Variants in SNTG1 observed in about 807,000 individuals in gnomAD.
SNTG1 encodes gamma-1-syntrophin.
In SNTG1, 39 loss-of-function variants were observed where a neutral mutation model predicts 74.7. The observed-to-expected ratio is 0.52, with a 90% CI of 0.40 to 0.68. The LOEUF is 0.68. Ranked by LOEUF, SNTG1 falls within the 30% of genes least tolerant of loss-of-function variation. The pLI is 0.00. For missense variants in SNTG1, 685 were observed against 609.5 expected (o/e 1.12, Z -1.30); for synonymous variants, 254 against 217.1 (o/e 1.17, Z -1.49).
At chr8:50,699,387 T>C (rs557588723) in intron 15 of SNTG1, among the ~76,000 whole-genome samples, 16 of 152,262 alleles carry the variant, frequency 1.1e-4, no homozygotes, top group African/African-American at 3.8e-4. Flanking sequence ...CCCTTTGGTA[T>C]AGTGAGTTTG....
At chr8:49,948,154 G>GA (rs1356534201) in intron 1 of SNTG1, among the ~76,000 whole-genome samples, 1 of 151,842 alleles carries the variant, frequency 6.6e-6, no homozygotes, top group South Asian at 2.1e-4. Flanking sequence ...AAAAAAATAA[G>GA]AAAAAACACA....
chr8:50,629,923 T>C (rs1450949762), intron 13 of SNTG1, among the ~76,000 whole-genome samples: 1 of 152,216 alleles, frequency 6.6e-6, no homozygotes, highest in Non-Finnish European at 1.5e-5. Context: ...GCTGCTTCGA[T>C]ATTATAAATA....
intron 12 of SNTG1, among the ~76,000 whole-genome samples, chr8:50,555,902 C>T (rs1008721188): frequency 6.6e-6 from 1 of 151,790 alleles, no homozygotes; most frequent in Non-Finnish European, 1.5e-5. Flanking sequence ...AGGATAAAAG[C>T]AAAAACAAAA....
chr8:50,335,820 ATTT>A (rs2091122102), intron 2 of SNTG1, among the ~76,000 whole-genome samples: 1 of 117,884 alleles, frequency 8.5e-6, no homozygotes, highest in Non-Finnish European at 1.7e-5. Flanking sequence ...ATGTTTTATT[ATTT>A]TATTTTATTT....
chr8:49,958,590 T>C (rs1231144903), intron 1 of SNTG1, among the ~76,000 whole-genome samples: 3 of 152,036 alleles, frequency 2.0e-5, no homozygotes, highest in Non-Finnish European at 4.4e-5. Flanking sequence ...CTGGCTAATT[T>C]TGGTAATTTT....
rs148598561 is a variant in SNTG1 at position 50,639,716 on chromosome 8, T to G, written c.850-17193T>G. On this transcript the variant is annotated intron_variant, in intron 13 of 18. Coordinates refer to ENST00000642720, the MANE Select transcript of SNTG1 (RefSeq NM_018967.5). ...TATTTAAATAATATATCAAGTAAACTCTCAGCCTCAGTATTATAAACTGAA... is the reference window on the plus strand; with the variant it reads ...TATTTAAATAATATATCAAGTAAACGCTCAGCCTCAGTATTATAAACTGAA... Among the ~76,000 whole-genome samples the G allele has an allele frequency of 2.1e-3, 319 of 152,170 alleles. 4 individuals are homozygous for G. The highest frequency in any genetic ancestry group is 5.2e-3 in the African/African-American group (218 of 41,554).
At chr8:50,765,632 T>C (rs1258063034) in intron 18 of SNTG1, among the ~76,000 whole-genome samples, 2 of 152,034 alleles carry the variant, frequency 1.3e-5, no homozygotes, top group Non-Finnish European at 2.9e-5. Context: ...TTTAAACTGT[T>C]AATGCCATTT....
At chr8:50,412,490 A>C (rs188787789) in intron 4 of SNTG1, among the ~76,000 whole-genome samples, 2 of 152,296 alleles carry the variant, frequency 1.3e-5, no homozygotes, top group Non-Finnish European at 2.9e-5. Context: ...GGTAATTGTG[A>C]AGATGAAACA....
chr8:50,138,736 C>A (rs980761053), intron 1 of SNTG1, among the ~76,000 whole-genome samples: 1 of 151,292 alleles, frequency 6.6e-6, no homozygotes, highest in Non-Finnish European at 1.5e-5. Context: ...CTGGTGAGTG[C>A]CATTTGCAGG....
At chr8:50,151,962 C>G (rs559151946) in intron 1 of SNTG1, among the ~76,000 whole-genome samples, 22 of 152,204 alleles carry the variant, frequency 1.4e-4, no homozygotes, top group East Asian at 5.8e-4. Context: ...TCCTGGATAT[C>G]CTTGTTAACT....
At chr8:50,629,102 G>A (rs2094977709) in intron 13 of SNTG1, among the ~76,000 whole-genome samples, 1 of 149,852 alleles carries the variant, frequency 6.7e-6, no homozygotes, top group South Asian at 2.1e-4. Context: ...GTTGATCAAA[G>A]GGTATAAGCT....
chr8:49,973,796 A>T (rs1811942005), intron 1 of SNTG1, among the ~76,000 whole-genome samples: 1 of 152,228 alleles, frequency 6.6e-6, no homozygotes, highest in Non-Finnish European at 1.5e-5. Flanking sequence ...AAATGAAAAC[A>T]ACAATGATAA....
At position 50,392,577 on chromosome 8, in the gene SNTG1, G is replaced by A. The variant is rs560227751; in HGVS notation, c.-27-1635G>A. Among the ~76,000 whole-genome samples, 8 of 152,122 alleles carry A rather than the reference G, an allele frequency of 5.3e-5. No homozygotes were observed. The South Asian group carries it at 6.2e-4, about 12-fold the overall frequency. On this transcript the variant is annotated intron_variant, in intron 2 of 18. Transcript: ENST00000642720. Reference sequence around the variant, plus strand: ...AGCAAGAGTAACTTCATTTTGATATGGTCTAGTAGAACCTGAGGAACTCAA... The same window carrying A: ...AGCAAGAGTAACTTCATTTTGATATAGTCTAGTAGAACCTGAGGAACTCAA...
chr8:50,419,200 G>GAA (rs199677997), intron 4 of SNTG1, among the ~76,000 whole-genome samples: 1 of 150,386 alleles, frequency 6.6e-6, no homozygotes, highest in Non-Finnish European at 1.5e-5. Flanking sequence ...TTTCTTTCTA[G>GAA]AAAAAAAAAT....
At chr8:50,016,367 C>G (rs915249487) in intron 1 of SNTG1, among the ~76,000 whole-genome samples, 4 of 152,246 alleles carry the variant, frequency 2.6e-5, no homozygotes, top group Non-Finnish European at 4.4e-5. Context: ...ACTTATCAAG[C>G]TTTTTCACCT....
chr8:50,028,594 G>A (rs979751289), intron 1 of SNTG1, among the ~76,000 whole-genome samples: 4 of 150,716 alleles, frequency 2.7e-5, no homozygotes, highest in African/African-American at 9.8e-5. Context: ...AAGAGATACA[G>A]TTTTGGGAGG....
intron 2 of SNTG1, among the ~76,000 whole-genome samples, chr8:50,213,925 T>G (rs2131932393): frequency 6.6e-6 from 1 of 152,042 alleles, no homozygotes; most frequent in African/African-American, 2.4e-5. Flanking sequence ...CAGAAGCTCT[T>G]TAGTTTAATT....
chr8:50,066,149 AG>A (rs1820880501), intron 1 of SNTG1, among the ~76,000 whole-genome samples: 1 of 152,144 alleles, frequency 6.6e-6, no homozygotes, highest in East Asian at 1.9e-4. Flanking sequence ...TGGGAGGCGG[AG>A]GTTGCGGTGA....
intron 11 of SNTG1, among the ~76,000 whole-genome samples, chr8:50,550,927 C>A (rs775869721): frequency 1.1e-4 from 16 of 152,014 alleles, no homozygotes; most frequent in Non-Finnish European, 1.8e-4. Flanking sequence ...GACAATAATT[C>A]TATGTGGGGA....
Sources: allele counts gnomAD v4.1 joint callset (sites outside exome capture counted in the v4.1 genomes callset), GRCh38; gene constraint gnomAD v4.1.1; transcripts MANE v1.5; gene names NCBI Gene and HGNC (gene_info 2026-07-23, HGNC 2026-07-21).